GNA12: variants seen among roughly 807,000 people sequenced by gnomAD.
GNA12 encodes the protein guanine nucleotide-binding protein subunit alpha-12.
In GNA12, 9 loss-of-function variants were observed where a neutral mutation model predicts 26.0. That is an observed-to-expected ratio of 0.35 (90% CI 0.21 to 0.60). The LOEUF (loss-of-function observed/expected upper bound fraction) is 0.60. Ranked by LOEUF, GNA12 falls within the 20% of genes least tolerant of loss-of-function variation. GNA12 has a pLI of 0.78. For synonymous variants in GNA12, 264 were observed against 219.6 expected (o/e 1.20, Z -1.79); for missense variants, 405 against 525.8 (o/e 0.77, Z 2.25).
intron 2 of GNA12, among the ~76,000 whole-genome samples, chr7:2,760,737 C>T (rs755280399): frequency 2.0e-5 from 3 of 152,338 alleles, no homozygotes; most frequent in South Asian, 2.1e-4. Context: ...AGTTTAGCTA[C>T]GACCATTTCT....
intron 1 of GNA12, among the ~76,000 whole-genome samples, chr7:2,795,766 C>G (rs1277573718): frequency 6.7e-6 from 1 of 150,102 alleles, no homozygotes; most frequent in Non-Finnish European, 1.5e-5. Flanking sequence ...GAGGTGGCAA[C>G]AATTTCAGAA....
chr7:2,807,919 G>A (rs950254773), intron 1 of GNA12, among the ~76,000 whole-genome samples: 8 of 152,172 alleles, frequency 5.3e-5, no homozygotes, highest in East Asian at 1.9e-4. Flanking sequence ...AAACCTGTTC[G>A]CGCAGAAACC....
chr7:2,842,893 G>A (rs1018884518), intron 1 of GNA12, among the ~76,000 whole-genome samples: 3 of 152,228 alleles, frequency 2.0e-5, no homozygotes, highest in Non-Finnish European at 4.4e-5. Flanking sequence ...ACCATGGGGA[G>A]GGCACAGGTG....
Position 2,794,963 on chromosome 7 carries a change from T to C in GNA12, c.490A>G (p.Arg164Gly). 6.2e-7 allele frequency: 1 copy of C among 1,614,192 alleles called. No homozygotes were observed. Among genetic ancestry groups the C allele is most frequent in the Non-Finnish European group, 8.5e-7 (1 of 1,180,014 alleles). Reference sequence around the variant, plus strand: ...TCGCTTCTCCGGCTGAAAGCCTCCCTGATGCCAGAATCCCTCCAGAGTGCG... The same window carrying C: ...TCGCTTCTCCGGCTGAAAGCCTCCCCGATGCCAGAATCCCTCCAGAGTGCG... ...LSALWRDSGI[R>G]EAFSRRSEFQ... Residue 164 changes from arginine to glycine, a missense_variant, in exon 2 of 4, where the codon AGG (arginine) becomes GGG (glycine). Coordinates refer to ENST00000275364, the MANE Select transcript of GNA12 (RefSeq NM_007353.3).
intron 1 of GNA12, among the ~76,000 whole-genome samples, chr7:2,818,806 G>A (rs1019503057): frequency 2.0e-5 from 3 of 148,584 alleles, no homozygotes; most frequent in Non-Finnish European, 3.0e-5. Flanking sequence ...GGAGGGAGGC[G>A]ACTCAAAGTG....
At chr7:2,781,976 G>C (rs1792240780) in intron 2 of GNA12, among the ~76,000 whole-genome samples, 1 of 152,178 alleles carries the variant, frequency 6.6e-6, no homozygotes, top group Admixed American at 6.5e-5. Flanking sequence ...TAGATTGAGA[G>C]AATAGAATTT....
At chr7:2,744,410 G>A (rs1790666202) in intron 2 of GNA12, among the ~76,000 whole-genome samples, 1 of 152,230 alleles carries the variant, frequency 6.6e-6, no homozygotes, top group Non-Finnish European at 1.5e-5. Flanking sequence ...AGCAAACAGG[G>A]TCTGGAGTGG....
intron 2 of GNA12, among the ~76,000 whole-genome samples, chr7:2,779,443 G>C (rs1429162519): frequency 3.3e-5 from 5 of 151,786 alleles, no homozygotes; most frequent in Non-Finnish European, 7.4e-5. Context: ...CTGCGAGTTC[G>C]AGGCTACAGT....
chr7:2,731,742 A>C lies in GNA12; in HGVS notation c.585T>G (p.Phe195Leu), dbSNP rs759677261. 1.8e-5 allele frequency: 28 copies of C among 1,516,504 alleles called. No individual in the cohort carries two copies. Among genetic ancestry groups the C allele is most frequent in the Non-Finnish European group, 7.1e-6 (8 of 1,124,214 alleles). The allele number at this position is 1,516,504 out of a possible 1,614,324, so 93.9% of individuals were successfully genotyped here. ...NLDRIGQLNYFPSKQDILLAR... is the reference protein window; with the variant it reads ...NLDRIGQLNYLPSKQDILLAR... ...CCAGCAGGATATCTTGCTTACTAGG[A>C]AAGTAATTCTGTAAAATACAGGATG... The change falls in exon 4 of 4, where the codon TTT becomes TTG. Residue 195 changes from phenylalanine (F) to leucine (L), a missense_variant. By Grantham distance (22) the Phe-to-Leu change is conservative. Transcript: ENST00000275364. The surrounding 1 kb of genome is among the most constrained non-coding windows in gnomAD (Gnocchi z 6.0).
chr7:2,772,215 T>A (rs1312762608), intron 2 of GNA12, among the ~76,000 whole-genome samples: 1 of 152,200 alleles, frequency 6.6e-6, no homozygotes, highest in East Asian at 1.9e-4. Flanking sequence ...GGCAAAAGAT[T>A]TGCACAAACC....
At chr7:2,739,733 G>C (rs1208619085) in intron 2 of GNA12, among the ~76,000 whole-genome samples, 3 of 152,124 alleles carry the variant, frequency 2.0e-5, no homozygotes, top group Admixed American at 6.5e-5. Flanking sequence ...GAGTGTAGTG[G>C]TGCGATCTTG....
At chr7:2,749,812 G>T (rs1336634000) in intron 2 of GNA12, among the ~76,000 whole-genome samples, 1 of 152,088 alleles carries the variant, frequency 6.6e-6, no homozygotes, top group East Asian at 1.9e-4. Flanking sequence ...AGAGAGGAAA[G>T]AATCAGTGAC....
chr7:2,815,999 T>C (rs1793209636), intron 1 of GNA12, among the ~76,000 whole-genome samples: 1 of 152,254 alleles, frequency 6.6e-6, no homozygotes, highest in African/African-American at 2.4e-5. Context: ...TGCGTGGAAC[T>C]GACCCAGCAA....
chr7:2,748,946 C>G (rs1790896356), intron 2 of GNA12, among the ~76,000 whole-genome samples: 1 of 152,194 alleles, frequency 6.6e-6, no homozygotes, highest in Admixed American at 6.5e-5. Flanking sequence ...AAATGCAAAT[C>G]AAAACCACAA....
rs745875941 is a variant in GNA12, at chr7:2,731,430, G to T, written c.897C>A (p.Asp299Glu). 3.1e-6 allele frequency: 5 copies of T among 1,613,436 alleles called. No homozygotes were observed. The highest frequency in any genetic ancestry group is 4.2e-6 in the Non-Finnish European group (5 of 1,179,574). Reference sequence around the variant, plus strand: ...CGGTCTTCACCTTCTCCACCAGGAGGTCCATCTTGTTGAGGAAGAGAATGA... The same window carrying T: ...CGGTCTTCACCTTCTCCACCAGGAGTTCCATCTTGTTGAGGAAGAGAATGA... ...VSIILFLNKM[D>E]LLVEKVKTVS... The change falls in exon 4 of 4, where the codon GAC becomes GAA. Residue 299 changes from aspartate (D) to glutamate (E), a missense_variant. Coordinates refer to ENST00000275364, the MANE Select transcript of GNA12 (RefSeq NM_007353.3). The surrounding 1 kb of genome is among the most constrained non-coding windows in gnomAD (Gnocchi z 6.0).
chr7:2,745,102 A>G (rs1790701975), intron 2 of GNA12, among the ~76,000 whole-genome samples: 1 of 152,240 alleles, frequency 6.6e-6, no homozygotes, highest in African/African-American at 2.4e-5. Context: ...TCTGCAGGAT[A>G]TTATCCAGGA....
At chr7:2,814,743 C>T (rs1583303805) in intron 1 of GNA12, 1 of 787,710 alleles carries the variant, frequency 1.3e-6, no homozygotes, top group Non-Finnish European at 2.0e-6. Flanking sequence ...CGGCCTTCCA[C>T]AGAAGTTTAT....
chr7:2,843,889 C>T lies in GNA12; in HGVS notation c.273G>A (p.Leu91=). 1 of 1,570,240 alleles carries T rather than the reference C, an allele frequency of 6.4e-7. No individual in the cohort carries two copies. Among genetic ancestry groups the T allele is most frequent in the Non-Finnish European group, 8.6e-7 (1 of 1,159,508 alleles). ...HGREFDQKAL[L]EFRDTIFDNI... Reference sequence around the variant, plus strand: ...TGTCGAAGATGGTGTCGCGGAACTCCAGCAGCGCCTTCTGGTCGAACTCGC... The same window carrying T: ...TGTCGAAGATGGTGTCGCGGAACTCTAGCAGCGCCTTCTGGTCGAACTCGC... Residue 91 remains leucine, a synonymous_variant, in exon 1 of 4, where the codon CTG becomes CTA. Coordinates refer to ENST00000275364, the MANE Select transcript of GNA12 (RefSeq NM_007353.3).
intron 2 of GNA12, among the ~76,000 whole-genome samples, chr7:2,739,891 T>C (rs1790411934): frequency 6.6e-6 from 1 of 152,192 alleles, no homozygotes; most frequent in Admixed American, 6.5e-5. Context: ...CAGGCTGGTC[T>C]CGAACTCCTG....
Sources: gnomAD v4.1 joint callset for allele counts (sites outside exome capture counted in the v4.1 genomes callset) on GRCh38, gnomAD v4.1.1 for gene constraint, Gnocchi (gnomAD v3.1) non-coding constraint, MANE v1.5 for transcripts, NCBI Gene and HGNC (gene_info 2026-07-23, HGNC 2026-07-21) for gene names.